Variants in BRINP1 observed in about 807,000 individuals in gnomAD.
The protein encoded by BRINP1 is BMP/retinoic acid-inducible neural-specific protein 1.
In BRINP1, 17 loss-of-function variants were observed where a neutral mutation model predicts 72.9. That is an observed-to-expected ratio of 0.23 (90% CI 0.16 to 0.35). The LOEUF (loss-of-function observed/expected upper bound fraction) is 0.35, where lower values mean the gene tolerates loss of function less well. Among genes scored for constraint, BRINP1 ranks in the 10% least tolerant of loss-of-function variants. The pLI is 1.00. For synonymous variants in BRINP1, 418 were observed against 378.5 expected (o/e 1.10, Z -1.21); for missense variants, 850 against 1,001.6 (o/e 0.85, Z 2.04).
chr9:119,248,454 G>A (rs1036220601), intron 3 of BRINP1, among the ~76,000 whole-genome samples: 1 of 152,202 alleles, frequency 6.6e-6, no homozygotes, highest in Non-Finnish European at 1.5e-5. Flanking sequence ...GACTGGCCCT[G>A]ATGGGGAGGG....
intron 7 of BRINP1, among the ~76,000 whole-genome samples, chr9:119,189,777 T>C (rs1829663867): frequency 6.6e-6 from 1 of 151,738 alleles, no homozygotes; most frequent in Non-Finnish European, 1.5e-5. Context: ...GACAGAAAAA[T>C]AACCAAAATA....
chr9:119,181,641 G>C (rs531019817), intron 7 of BRINP1, among the ~76,000 whole-genome samples: 2 of 152,236 alleles, frequency 1.3e-5, no homozygotes, highest in African/African-American at 4.8e-5. Flanking sequence ...AATGCCTTCA[G>C]TAAAATTATT....
At chr9:119,261,995 T>C (rs1197135975) in intron 2 of BRINP1, among the ~76,000 whole-genome samples, 1 of 152,128 alleles carries the variant, frequency 6.6e-6, no homozygotes, top group Non-Finnish European at 1.5e-5. Context: ...ACATGTTTGA[T>C]TTTCCGGGTA....
intron 1 of BRINP1, among the ~76,000 whole-genome samples, chr9:119,347,707 A>G (rs1831464546): frequency 6.6e-6 from 1 of 151,826 alleles, no homozygotes; most frequent in South Asian, 2.1e-4. Flanking sequence ...GCAAGCCCCA[A>G]TCTGTTTTAC....
chr9:119,209,807 T>C (rs1321133077), intron 6 of BRINP1, among the ~76,000 whole-genome samples: 1 of 152,220 alleles, frequency 6.6e-6, no homozygotes, highest in African/African-American at 2.4e-5. Flanking sequence ...AAACTGAAAC[T>C]TTTTGATGTA....
intron 2 of BRINP1, among the ~76,000 whole-genome samples, chr9:119,283,758 C>T (rs181432260): frequency 5.8e-4 from 89 of 152,284 alleles, no homozygotes; most frequent in South Asian, 4.1e-3. Flanking sequence ...ATCTCGAACT[C>T]CTGACCTCAG....
intron 2 of BRINP1, among the ~76,000 whole-genome samples, chr9:119,274,179 T>G (rs76168003): frequency 0.026 from 3,973 of 152,280 alleles, 169 homozygotes; most frequent in African/African-American, 0.09. Context: ...TTTGGTGTTC[T>G]CCTCTCCTCC....
chr9:119,200,636 GAA>G (rs774466695), intron 7 of BRINP1, among the ~76,000 whole-genome samples: 4 of 121,204 alleles, frequency 3.3e-5, no homozygotes, highest in African/African-American at 1.2e-4. Flanking sequence ...GAAAAAAAAA[GAA>G]AAAAAAAAAA....
chr9:119,355,785 G>A (rs994479837), intron 1 of BRINP1, among the ~76,000 whole-genome samples: 9 of 150,348 alleles, frequency 6.0e-5, no homozygotes, highest in Non-Finnish European at 1.0e-4. Context: ...ATGTACAAAT[G>A]TGCTTTCCTA....
intron 7 of BRINP1, among the ~76,000 whole-genome samples, chr9:119,181,700 A>C (rs1162902930): frequency 6.6e-6 from 1 of 152,112 alleles, no homozygotes; most frequent in African/African-American, 2.4e-5. Flanking sequence ...AATATCTTCA[A>C]CTCATTGGTT....
In BRINP1 at chr9:119,167,131, T is replaced by A. The variant is rs776116105; in HGVS notation, c.2239A>T (p.Thr747Ser). Residue 747 changes from threonine (T) to serine (S), a missense_variant, in exon 8 of 8, where the codon ACG becomes TCG. By Grantham distance (58) the Thr-to-Ser change is moderately conservative. Coordinates refer to ENST00000265922, the MANE Select transcript of BRINP1 (RefSeq NM_014618.3). The surrounding 1 kb of genome is among the most constrained non-coding windows in gnomAD (Gnocchi z 4.3). ...RVNHALDLYN[T>S]EILKQSDQMT... is the part of the protein sequence containing the mutation. ...TGGTCCGACTGTTTGAGGATCTCCG[T>A]GTTGTACAGGTCCAAGGCGTGGTTC... The A allele has an allele frequency of 6.2e-7, 1 of 1,613,910 alleles. No homozygotes were observed. The highest frequency in any genetic ancestry group is 1.1e-5 in the South Asian group (1 of 91,032).
rs749333624 is a variant in BRINP1, at chr9:119,167,357, A to G, written c.2013T>C (p.Ser671=). ...AGGACTGGTTGACCTGCTGCACTGCACTGCGCAGGAGGTCGGCGTTGAACC... is the reference window on the plus strand; with the variant it reads ...AGGACTGGTTGACCTGCTGCACTGCGCTGCGCAGGAGGTCGGCGTTGAACC... ...SLRFNADLLR[S]AVQQVNQSYT... The change falls in exon 8 of 8, where the codon AGT becomes AGC. Residue 671 remains serine, a synonymous_variant. Transcript: ENST00000265922. The surrounding 1 kb of genome is among the most constrained non-coding windows in gnomAD (Gnocchi z 4.3). The G allele has an allele frequency of 5.0e-6, 8 of 1,614,044 alleles. No individual in the cohort carries two copies. The highest frequency in any genetic ancestry group is 1.1e-5 in the South Asian group (1 of 91,090).
chr9:119,297,957 C>G (rs1390091179), intron 2 of BRINP1, among the ~76,000 whole-genome samples: 1 of 152,200 alleles, frequency 6.6e-6, no homozygotes, highest in Non-Finnish European at 1.5e-5. Context: ...TGCCCCAGTG[C>G]CTTTTCGTAA....
At chr9:119,324,331 ACAGTGGGTT>A (rs1446276739) in intron 1 of BRINP1, among the ~76,000 whole-genome samples, 4 of 152,224 alleles carry the variant, frequency 2.6e-5, no homozygotes, top group African/African-American at 9.6e-5. Context: ...GCCCTACTGC[ACAGTGGGTT>A]CTGTTTTTCC....
At chr9:119,286,091 CTATTAT>C (rs149021426) in intron 2 of BRINP1, among the ~76,000 whole-genome samples, 1 of 151,988 alleles carries the variant, frequency 6.6e-6, no homozygotes, top group Non-Finnish European at 1.5e-5. Context: ...GCTGGAGATA[CTATTAT>C]TATTATTATC....
At chr9:119,227,124 C>G (rs564049190) in intron 5 of BRINP1, among the ~76,000 whole-genome samples, 4 of 151,812 alleles carry the variant, frequency 2.6e-5, no homozygotes, top group African/African-American at 7.3e-5. Context: ...TTTTATGAAC[C>G]CTCTTGGTTT....
chr9:119,218,409 CTGGGA>C (rs765656114), intron 5 of BRINP1, among the ~76,000 whole-genome samples: 5 of 151,960 alleles, frequency 3.3e-5, no homozygotes, highest in Non-Finnish European at 5.9e-5. Flanking sequence ...TCCCAAAGTG[CTGGGA>C]TTACAGGCAT....
At chr9:119,190,965 G>A (rs987997635) in intron 7 of BRINP1, among the ~76,000 whole-genome samples, 2 of 151,890 alleles carry the variant, frequency 1.3e-5, no homozygotes, top group African/African-American at 2.4e-5. Context: ...TCCCAGGAAC[G>A]CAAGGCTGGT....
At position 119,356,573 on chromosome 9, in the gene BRINP1, T is replaced by A. The variant is rs151012970; in HGVS notation, c.-51+12483A>T. On this transcript the variant is annotated intron_variant, in intron 1 of 7. Coordinates refer to ENST00000265922, the MANE Select transcript of BRINP1 (RefSeq NM_014618.3). The stretch of plus-strand genomic sequence containing the variant: ...ATCCTAGCACTTTGGGAGGCCGAGA[T>A]GGGTGGATCACCTGAGGTCAGGAGT... 1.5e-3 allele frequency among the ~76,000 whole-genome samples: 222 copies of A among 152,122 alleles called. 3 individuals are homozygous for A. The highest frequency in any genetic ancestry group is 5.2e-3 in the African/African-American group (216 of 41,524).
Sources: gnomAD v4.1 joint callset for allele counts (sites outside exome capture counted in the v4.1 genomes callset) on GRCh38, gnomAD v4.1.1 for gene constraint, Gnocchi (gnomAD v3.1) non-coding constraint, MANE v1.5 for transcripts, NCBI Gene and HGNC (gene_info 2026-07-23, HGNC 2026-07-21) for gene names.